SLIT3: variants seen among roughly 807,000 people sequenced by gnomAD.
SLIT3 encodes slit homolog 3 protein.
A neutral mutation model predicts 184.0 loss-of-function variants in SLIT3; 68 were observed. That is an observed-to-expected ratio of 0.37 (90% confidence interval 0.30 to 0.45). SLIT3 has a LOEUF of 0.45. SLIT3 is among the 20% of genes least tolerant of loss of function. SLIT3 has a pLI of 1.00. For missense variants in SLIT3, 1,707 were observed against 2,026.0 expected (o/e 0.84, Z 3.02); for synonymous variants, 831 against 828.6 (o/e 1.00, Z -0.05).
chr5:169,079,826 A>AGGGAGGAGGAGGAGGGAG (rs1177493508), intron 4 of SLIT3, among the ~76,000 whole-genome samples: 1 of 62,468 alleles, frequency 1.6e-5, no homozygotes, highest in Non-Finnish European at 2.9e-5. Flanking sequence ...AGGAGGAGGG[A>AGGGAGGAGGAGGAGGGAG]GGAGGAGGAG....
chr5:169,222,844 G>T (rs1431969411), intron 3 of SLIT3, among the ~76,000 whole-genome samples: 1 of 152,196 alleles, frequency 6.6e-6, no homozygotes, highest in African/African-American at 2.4e-5. Flanking sequence ...AGAAGCACCA[G>T]GAGCCATGGT....
At chr5:168,703,528 TCTAA>T (rs1251344176) in intron 26 of SLIT3, among the ~76,000 whole-genome samples, 4 of 152,124 alleles carry the variant, frequency 2.6e-5, no homozygotes, top group Admixed American at 6.5e-5. Context: ...CTTATGAGAA[TCTAA>T]CTAATACCTG....
intron 4 of SLIT3, among the ~76,000 whole-genome samples, chr5:169,070,809 A>C (rs1156763844): frequency 2.3e-3 from 356 of 152,058 alleles, no homozygotes; most frequent in African/African-American, 8.2e-3. Context: ...AAAAAAAAAA[A>C]AAAAAAGAAA....
chr5:168,696,578 C>A (rs1169708405), intron 27 of SLIT3, 147 bp from the exon 28 acceptor site: 6 of 818,988 alleles, frequency 7.3e-6, no homozygotes, highest in South Asian at 1.7e-5. Context: ...ACACATGAGG[C>A]CTTGGGGTCC....
chr5:168,683,556 C>T (rs1650370570), intron 32 of SLIT3, among the ~76,000 whole-genome samples: 1 of 152,092 alleles, frequency 6.6e-6, no homozygotes, highest in African/African-American at 2.4e-5. Context: ...CTGCTCCCTC[C>T]GTGCCCTTGA....
rs143851664 is a variant in SLIT3 at position 169,007,829 on chromosome 5, T to C, written c.414-124493A>G. ...TTGGGCTCCCCATGACTTCTCTTGC[T>C]GAAGCACTCAGGGCCAAAAAAGTTA... is the stretch of plus-strand genomic sequence containing the variant. On this transcript the variant is annotated intron_variant, in intron 4 of 35. Coordinates refer to ENST00000519560, the MANE Select transcript of SLIT3 (RefSeq NM_003062.4). Among the ~76,000 whole-genome samples the C allele has an allele frequency of 1.9e-3, 293 of 152,368 alleles. 1 individual carries two copies. The highest frequency in any genetic ancestry group is 6.6e-3 in the African/African-American group (273 of 41,588).
intron 2 of SLIT3, among the ~76,000 whole-genome samples, chr5:169,248,958 A>G (rs1317259563): frequency 6.6e-6 from 1 of 152,144 alleles, no homozygotes; most frequent in Non-Finnish European, 1.5e-5. Context: ...GCCCATATTA[A>G]CAGTTTGACA....
chr5:169,003,026 G>A (rs903156568), intron 4 of SLIT3, among the ~76,000 whole-genome samples: 1 of 152,166 alleles, frequency 6.6e-6, no homozygotes, highest in African/African-American at 2.4e-5. Flanking sequence ...TTGGGGGAAG[G>A]CTGCCTTCGC....
intron 23 of SLIT3, among the ~76,000 whole-genome samples, chr5:168,718,677 T>TACACACACACACACACACACACAC (rs1163238928): frequency 1.8e-5 from 2 of 108,678 alleles, no homozygotes; most frequent in African/African-American, 3.3e-5. Flanking sequence ...TATCCACCCA[T>TACACACACACACACACACACACAC]ACACACACAC....
At chr5:169,181,917 T>C (rs1763171426) in intron 4 of SLIT3, among the ~76,000 whole-genome samples, 1 of 152,144 alleles carries the variant, frequency 6.6e-6, no homozygotes, top group Non-Finnish European at 1.5e-5. Context: ...CCTCCAAAAG[T>C]CAAGATGTTC....
In SLIT3 at chr5:168,938,705, A is replaced by C. The variant is rs148457025; in HGVS notation, c.414-55369T>G. ...GAGTGCAGTGGCCTGATCTCGGCTC[A>C]CTGCAACCTCCTCCTCCCGGGTTCA... On this transcript the variant is annotated intron_variant, in intron 4 of 35. Transcript: ENST00000519560. Among the ~76,000 whole-genome samples the C allele has an allele frequency of 9.9e-3, 1,505 of 152,170 alleles. 25 individuals are homozygous for C. Among genetic ancestry groups the C allele is most frequent in the African/African-American group, 0.034 (1,396 of 41,498 alleles).
intron 5 of SLIT3, among the ~76,000 whole-genome samples, chr5:168,858,802 A>T (rs1758997301): frequency 6.6e-6 from 1 of 152,224 alleles, no homozygotes; most frequent in Non-Finnish European, 1.5e-5. Context: ...GGTTACTCAC[A>T]GGCATTCTTG....
intron 4 of SLIT3, among the ~76,000 whole-genome samples, chr5:168,911,010 G>A (rs1761234427): frequency 6.6e-6 from 1 of 152,078 alleles, no homozygotes; most frequent in East Asian, 1.9e-4. Flanking sequence ...GCAGCCCGCT[G>A]TTCTGTACCA....
chr5:169,051,277 A>T (rs1234350013), intron 4 of SLIT3, among the ~76,000 whole-genome samples: 1 of 151,902 alleles, frequency 6.6e-6, no homozygotes, highest in Admixed American at 6.6e-5. Context: ...ATTTTTAAAC[A>T]TTTCTAGCCT....
intron 5 of SLIT3, among the ~76,000 whole-genome samples, chr5:168,853,785 C>T (rs1348496466): frequency 6.6e-6 from 1 of 152,176 alleles, no homozygotes; most frequent in Non-Finnish European, 1.5e-5. Context: ...GCTACACCTC[C>T]CTCTGTGCAA....
At chr5:168,753,648 G>A (rs1209860406) in intron 17 of SLIT3, among the ~76,000 whole-genome samples, 2 of 152,014 alleles carry the variant, frequency 1.3e-5, no homozygotes, top group East Asian at 1.9e-4. Flanking sequence ...TGTGTGTGGT[G>A]TGTGTGTGTG....
chr5:169,134,698 A>G (rs1032713020), intron 4 of SLIT3, among the ~76,000 whole-genome samples: 4 of 152,160 alleles, frequency 2.6e-5, no homozygotes, highest in African/African-American at 9.7e-5. Flanking sequence ...ATGTATACCC[A>G]TGTAACAAAC....
intron 4 of SLIT3, among the ~76,000 whole-genome samples, chr5:168,975,282 G>A (rs1380196155): frequency 6.6e-6 from 1 of 152,192 alleles, no homozygotes; most frequent in African/African-American, 2.4e-5. Context: ...GCATGTGGTA[G>A]GGCAAGGACT....
intron 4 of SLIT3, among the ~76,000 whole-genome samples, chr5:169,087,004 A>G (rs779051246): frequency 1.3e-5 from 2 of 152,256 alleles, no homozygotes; most frequent in Non-Finnish European, 2.9e-5. Flanking sequence ...AGTGCCGTCC[A>G]AAAACTAGAG....
Sources: allele counts gnomAD v4.1 joint callset (sites outside exome capture counted in the v4.1 genomes callset), GRCh38; gene constraint gnomAD v4.1.1; transcripts MANE v1.5; gene names NCBI Gene and HGNC (gene_info 2026-07-23, HGNC 2026-07-21).